NCOA7: variants seen among roughly 807,000 people sequenced by gnomAD.
The protein encoded by NCOA7 is nuclear receptor coactivator 7.
NCOA7 carries 45 observed loss-of-function variants against 104.3 expected under a neutral mutation model. That is an observed-to-expected ratio of 0.43 (90% CI 0.34 to 0.55). The LOEUF (loss-of-function observed/expected upper bound fraction) is 0.55. Among genes scored for constraint, NCOA7 ranks in the 20% least tolerant of loss-of-function variants. The probability of loss-of-function intolerance (pLI) is 0.02; values close to 1 mark genes in which losing one functional copy is unlikely to be tolerated. For synonymous variants in NCOA7, 398 were observed against 402.3 expected, an observed-to-expected ratio of 0.99 and a Z score of 0.13; for missense variants, 1,041 against 1,119.7, an observed-to-expected ratio of 0.93 and a Z score of 1.00.
rs750370775 is a variant in NCOA7 at position 125,889,117 on chromosome 6, A to T, written c.1063A>T (p.Thr355Ser). ...SRPIVPLEKS[T>S]GHTPTKPSGS... ...ACCAATAGTACCTTTGGAGAAGTCC[A>T]CAGGACATACACCTACAAAGCCCTC... The change falls in exon 9 of 16, where the codon ACA (threonine) becomes TCA (serine). Residue 355 changes from threonine (T) to serine (S), a missense_variant. Transcript: ENST00000392477. The T allele has an allele frequency of 6.2e-7, 1 of 1,614,164 alleles. No homozygotes were observed. Among genetic ancestry groups the T allele is most frequent in the Non-Finnish European group, 8.5e-7 (1 of 1,180,006 alleles).
At chr6:125,891,472 C>T (rs775836888) in intron 10 of NCOA7, among the ~76,000 whole-genome samples, 30 of 152,084 alleles carry the variant, frequency 2.0e-4, no homozygotes, top group Non-Finnish European at 3.8e-4. Flanking sequence ...CAATTAATTG[C>T]TTTTATTTCA....
rs763647601 is a variant in NCOA7 at position 125,881,150 on chromosome 6, C to T, written c.520C>T (p.Pro174Ser). ...SSTLRLSSSS[P>S]GATVSPSSSD... ...TACCTTAAGGCTATCATCATCCAGT[C>T]CTGGTGCTACTGTCTCTCCTTCATC... Residue 174 changes from proline to serine, a missense_variant, in exon 6 of 16, where the codon CCT becomes TCT. Around this residue, in one of 2 missense-constraint regions of NCOA7, gnomAD observed 914 missense variants for 942.7 expected, o/e 0.97. Transcript: ENST00000392477. The T allele has an allele frequency of 6.2e-7, 1 of 1,613,980 alleles. No individual in the cohort carries two copies. The highest frequency in any genetic ancestry group is 2.2e-5 in the East Asian group (1 of 44,858).
At chr6:125,835,534 T>G (rs892466964) in intron 2 of NCOA7, among the ~76,000 whole-genome samples, 10 of 152,232 alleles carry the variant, frequency 6.6e-5, no homozygotes, top group Non-Finnish European at 8.8e-5. Context: ...TCTTTTAGCT[T>G]CCTTTTTCAG....
upstream of NCOA7, among the ~76,000 whole-genome samples, chr6:125,788,045 G>A (rs971769409): frequency 3.3e-5 from 5 of 152,160 alleles, no homozygotes; most frequent in Non-Finnish European, 5.9e-5. Context: ...AGATTACCAT[G>A]TTCTTAAGAA....
In NCOA7 at chr6:125,922,701, C is replaced by T. The variant is rs2128698507; in HGVS notation, c.2390C>T (p.Ala797Val). The T allele has an allele frequency of 1.9e-6, 3 of 1,613,174 alleles. No individual in the cohort carries two copies. In the South Asian group the frequency reaches 3.3e-5, roughly 18 times the overall value. ...TTGTAGCTGGCCCGACGCCTTCCTGCAAGGGTGCAAGGGTATCCATGGAGA... is the reference window on the plus strand; with the variant it reads ...TTGTAGCTGGCCCGACGCCTTCCTGTAAGGGTGCAAGGGTATCCATGGAGA... ...HIEQLARRLP[A>V]RVQGYPWRLA... Residue 797 changes from alanine (A) to valine (V), a missense_variant, in exon 13 of 16, where the codon GCA becomes GTA. Physicochemically the swap from Ala to Val is moderately conservative, Grantham distance 64 (BLOSUM62 0). Around this residue, in one of 2 missense-constraint regions of NCOA7, gnomAD observed 127 missense variants for 177.0 expected, o/e 0.72. Coordinates refer to ENST00000392477, the MANE Select transcript of NCOA7 (RefSeq NM_181782.5).
intron 2 of NCOA7, among the ~76,000 whole-genome samples, chr6:125,822,959 A>G (rs1298233302): frequency 6.7e-6 from 1 of 149,618 alleles, no homozygotes; most frequent in Non-Finnish European, 1.5e-5. Flanking sequence ...AACAACAAAA[A>G]AAAACATGCT....
intron 3 of NCOA7, among the ~76,000 whole-genome samples, chr6:125,857,800 G>T (rs1398461404): frequency 6.6e-6 from 1 of 151,932 alleles, no homozygotes; most frequent in African/African-American, 2.4e-5. Flanking sequence ...TGGCCAGGCT[G>T]GTCTTGAACT....
chr6:125,835,385 A>AG (rs1432002435), intron 2 of NCOA7, among the ~76,000 whole-genome samples: 1 of 151,840 alleles, frequency 6.6e-6, no homozygotes, highest in African/African-American at 2.4e-5. Flanking sequence ...CTACCTTAGG[A>AG]GAAAAAAAAA....
chr6:125,852,392 C>T (rs985153133), intron 2 of NCOA7, among the ~76,000 whole-genome samples: 3 of 152,098 alleles, frequency 2.0e-5, no homozygotes, highest in African/African-American at 7.2e-5. Context: ...GATGGGGTTT[C>T]ACCATGTTGA....
chr6:125,790,003 C>T (rs1774681606), upstream of NCOA7, among the ~76,000 whole-genome samples: 1 of 152,248 alleles, frequency 6.6e-6, no homozygotes, highest in African/African-American at 2.4e-5. Context: ...GGGGAGCTCA[C>T]AGGCACAGGC....
At position 125,881,181 on chromosome 6, in the gene NCOA7, A is replaced by G. The variant is rs538540516; in HGVS notation, c.551A>G (p.Asp184Gly). The G allele has an allele frequency of 6.2e-7, 1 of 1,612,352 alleles. No individual in the cohort carries two copies. The highest frequency in any genetic ancestry group is 1.7e-5 in the Admixed American group (1 of 59,998). Reference sequence around the variant, plus strand: ...GCTACTGTCTCTCCTTCATCATCAGATGCAGAATATGATAAATTGCCTGTA... The same window carrying G: ...GCTACTGTCTCTCCTTCATCATCAGGTGCAGAATATGATAAATTGCCTGTA... ...PGATVSPSSSDAEYDKLPDAD... is the reference protein window; with the variant it reads ...PGATVSPSSSGAEYDKLPDAD... Residue 184 changes from aspartate (D) to glycine (G), a missense_variant, in exon 6 of 16, where the codon GAT becomes GGT. Coordinates refer to ENST00000392477, the MANE Select transcript of NCOA7 (RefSeq NM_181782.5).
intron 3 of NCOA7, among the ~76,000 whole-genome samples, chr6:125,869,044 A>G (rs1261536756): frequency 3.9e-5 from 6 of 152,254 alleles, no homozygotes; most frequent in Non-Finnish European, 7.3e-5. Flanking sequence ...ACTTGTTAAT[A>G]ACAGAAAAAA....
chr6:125,815,466 T>TC (rs1777502891), intron 2 of NCOA7, 62 bp downstream of exon 2: 11 of 1,346,410 alleles, frequency 8.2e-6, no homozygotes, highest in Non-Finnish European at 1.1e-5. Flanking sequence ...GGGGACTTTG[T>TC]CCTCAAGTAT....
chr6:125,874,401 G>T (rs1331874635), intron 3 of NCOA7, among the ~76,000 whole-genome samples: 1 of 152,136 alleles, frequency 6.6e-6, no homozygotes, highest in Non-Finnish European at 1.5e-5. Flanking sequence ...TGTTTTCATT[G>T]TTATAAATAG....
chr6:125,848,389 T>G (rs1331521159), intron 2 of NCOA7, among the ~76,000 whole-genome samples: 1 of 152,056 alleles, frequency 6.6e-6, no homozygotes, highest in Non-Finnish European at 1.5e-5. Flanking sequence ...AACAAAGACT[T>G]GGAACCAACC....
At chr6:125,897,125 A>G (rs1440544213) in intron 10 of NCOA7, among the ~76,000 whole-genome samples, 1 of 152,230 alleles carries the variant, frequency 6.6e-6, no homozygotes, top group African/African-American at 2.4e-5. Context: ...GCACACAGGT[A>G]TCTGTCAGTT....
intron 2 of NCOA7, among the ~76,000 whole-genome samples, chr6:125,828,650 G>T (rs969667787): frequency 2.0e-5 from 3 of 152,180 alleles, no homozygotes; most frequent in Non-Finnish European, 4.4e-5. Context: ...TTGAAGACTG[G>T]TGGTTACTTA....
chr6:125,886,085 T>C lies in NCOA7; in HGVS notation c.884+742T>C, dbSNP rs543425855. Among the ~76,000 whole-genome samples the C allele has an allele frequency of 4.7e-5, 7 of 149,572 alleles. No individual in the cohort carries two copies. The East Asian group carries it at 7.8e-4, about 17-fold the overall frequency. On this transcript the variant is annotated intron_variant, in intron 8 of 15. Coordinates refer to ENST00000392477, the MANE Select transcript of NCOA7 (RefSeq NM_181782.5). ...TATAAAAGCCAGCAGTAAAAAACTT[T>C]AAAAACCTTCAGTGATGGGAAGAGG... is the stretch of plus-strand genomic sequence containing the variant.
rs1163837162 is a variant in NCOA7 at position 125,898,280 on chromosome 6, C to T, written c.2096+7470C>T. On this transcript the variant is annotated intron_variant, in intron 10 of 15. Coordinates refer to ENST00000392477, the MANE Select transcript of NCOA7 (RefSeq NM_181782.5). The stretch of plus-strand genomic sequence containing the variant: ...AGCTTCATTGGACCCTGATGTCATT[C>T]AGGTGCCTGAATTGCAACATTATAA... 2.6e-5 allele frequency among the ~76,000 whole-genome samples: 4 copies of T among 152,324 alleles called. No homozygotes were observed. In the East Asian group the frequency reaches 7.7e-4, roughly 29 times the overall value.
Sources: allele counts gnomAD v4.1 joint callset (sites outside exome capture counted in the v4.1 genomes callset), GRCh38; gene constraint gnomAD v4.1.1; regional missense constraint gnomAD v4.1.1; transcripts MANE v1.5; gene names NCBI Gene and HGNC (gene_info 2026-07-23, HGNC 2026-07-21).